Variants in SUCLG2 observed in about 807,000 individuals in gnomAD.
The protein encoded by SUCLG2 is succinate-CoA ligase GDP-forming subunit beta, also known as succinate--CoA ligase [GDP-forming] subunit beta, mitochondrial.
A neutral mutation model predicts 47.9 loss-of-function variants in SUCLG2; 42 were observed. The ratio of observed to expected loss-of-function variants is 0.88; its 90% CI spans 0.69 to 1.14. The LOEUF (loss-of-function observed/expected upper bound fraction) is 1.14. Ranked by LOEUF, SUCLG2 falls within the 50% of genes most tolerant of loss-of-function variation. The probability of loss-of-function intolerance (pLI) is 0.00; values close to 1 mark genes in which losing one functional copy is unlikely to be tolerated. For synonymous variants in SUCLG2, 195 were observed against 197.3 expected (o/e 0.99, Z 0.10); for missense variants, 571 against 525.9 (o/e 1.09, Z -0.84).
chr3:67,643,808 C>G (rs1701144519), intron 1 of SUCLG2, among the ~76,000 whole-genome samples: 1 of 152,214 alleles, frequency 6.6e-6, no homozygotes, highest in African/African-American at 2.4e-5. Context: ...TCCCAAGTAG[C>G]TGGAATTACA....
At chr3:67,419,603 C>T (rs973776642) in intron 9 of SUCLG2, among the ~76,000 whole-genome samples, 5 of 152,108 alleles carry the variant, frequency 3.3e-5, no homozygotes, top group African/African-American at 1.2e-4. Context: ...TAGGAGCATT[C>T]TGTCTGAAAT....
At chr3:67,527,771 T>C (rs1379511046) in intron 4 of SUCLG2, among the ~76,000 whole-genome samples, 1 of 152,170 alleles carries the variant, frequency 6.6e-6, no homozygotes, top group Non-Finnish European at 1.5e-5. Context: ...CGCCTGGGGT[T>C]GAGGGCCACT....
chr3:67,470,888 C>G (rs1419850343), intron 9 of SUCLG2, among the ~76,000 whole-genome samples: 1 of 152,190 alleles, frequency 6.6e-6, no homozygotes, highest in Non-Finnish European at 1.5e-5. Flanking sequence ...CCTTGCCCTA[C>G]AAACCAAACA....
chr3:67,601,939 ACCC>A (rs1170451872), intron 2 of SUCLG2, among the ~76,000 whole-genome samples: 1 of 152,044 alleles, frequency 6.6e-6, no homozygotes, highest in African/African-American at 2.4e-5. Flanking sequence ...CTAAGATCGC[ACCC>A]CCCAACTCCA....
At chr3:67,542,387 T>C (rs1406458350) in intron 2 of SUCLG2, among the ~76,000 whole-genome samples, 1 of 152,148 alleles carries the variant, frequency 6.6e-6, no homozygotes, top group Admixed American at 6.5e-5. Context: ...TACCAAATTG[T>C]AAAGACCATC....
At chr3:67,486,398 C>T (rs531756824) in intron 9 of SUCLG2, among the ~76,000 whole-genome samples, 4 of 152,284 alleles carry the variant, frequency 2.6e-5, no homozygotes, top group Admixed American at 2.0e-4. Context: ...TTCTCATTAT[C>T]CACAGTAGTT....
intron 2 of SUCLG2, among the ~76,000 whole-genome samples, chr3:67,560,680 C>G (rs1707285938): frequency 6.6e-6 from 1 of 152,110 alleles, no homozygotes; most frequent in Non-Finnish European, 1.5e-5. Context: ...CCCCCAACCC[C>G]AGGAGTAAAC....
intron 9 of SUCLG2, among the ~76,000 whole-genome samples, chr3:67,452,159 T>C (rs958187547): frequency 6.6e-6 from 1 of 152,230 alleles, no homozygotes; most frequent in Admixed American, 6.5e-5. Context: ...AAACTCTCTA[T>C]GTGCTTCTAA....
At chr3:67,440,085 C>T (rs977817811) in intron 9 of SUCLG2, among the ~76,000 whole-genome samples, 4 of 144,406 alleles carry the variant, frequency 2.8e-5, no homozygotes, top group Non-Finnish European at 6.4e-5. Flanking sequence ...CACACATCAA[C>T]AGCCATCTGA....
At chr3:67,416,967 C>T (rs887005077) in intron 9 of SUCLG2, among the ~76,000 whole-genome samples, 1 of 151,886 alleles carries the variant, frequency 6.6e-6, no homozygotes, top group East Asian at 1.9e-4. Flanking sequence ...GTGGAAAAAC[C>T]AACCTTATTC....
At chr3:67,421,582 G>C (rs1451731437) in intron 9 of SUCLG2, among the ~76,000 whole-genome samples, 1 of 152,228 alleles carries the variant, frequency 6.6e-6, no homozygotes, top group Non-Finnish European at 1.5e-5. Context: ...GCAAGTAATA[G>C]AAGTCAATCA....
intron 2 of SUCLG2, among the ~76,000 whole-genome samples, chr3:67,562,754 G>T (rs548539879): frequency 6.6e-6 from 1 of 152,120 alleles, no homozygotes; most frequent in South Asian, 2.1e-4. Context: ...GAATTTAAAT[G>T]ACTTGATTTT....
At chr3:67,501,765 T>C (rs1705500039) in intron 7 of SUCLG2, among the ~76,000 whole-genome samples, 1 of 152,100 alleles carries the variant, frequency 6.6e-6, no homozygotes. Context: ...AGCTTACAGG[T>C]TGCCAAACAC....
chr3:67,418,482 C>A (rs1452400145), intron 9 of SUCLG2, among the ~76,000 whole-genome samples: 1 of 152,150 alleles, frequency 6.6e-6, no homozygotes, highest in African/African-American at 2.4e-5. Context: ...GAGCTTTAAC[C>A]ATTACACTAA....
At position 67,654,574 on chromosome 3, in the gene SUCLG2, C is replaced by G. The variant is rs753365984; in HGVS notation, c.13G>C (p.Val5Leu). MASP[V>L]AAQAGKLLRA... ...AGAAGCTTCCCGGCCTGCGCTGCTA[C>G]GGGGGACGCCATCTTAAACAGGAAA... Residue 5 changes from valine to leucine, a missense_variant, in exon 1 of 11, where the codon GTA (valine) becomes CTA (leucine). Physicochemically the swap from Val to Leu is conservative, Grantham distance 32. Coordinates refer to ENST00000307227, the MANE Select transcript of SUCLG2 (RefSeq NM_003848.4). 10 of 1,274,022 alleles carry G rather than the reference C, an allele frequency of 7.8e-6. No individual in the cohort carries two copies. Among genetic ancestry groups the G allele is most frequent in the Non-Finnish European group, 9.9e-6 (10 of 1,007,574 alleles). The allele number at this position is 1,274,022 out of a possible 1,614,324, so 78.9% of individuals were successfully genotyped here.
At chr3:67,408,415 C>G (rs1192733212) in intron 9 of SUCLG2, among the ~76,000 whole-genome samples, 1 of 152,100 alleles carries the variant, frequency 6.6e-6, no homozygotes, top group Non-Finnish European at 1.5e-5. Context: ...TATACAACAC[C>G]CTTAATACAA....
intron 2 of SUCLG2, among the ~76,000 whole-genome samples, chr3:67,560,614 T>C (rs1178274078): frequency 6.6e-6 from 1 of 152,132 alleles, no homozygotes; most frequent in African/African-American, 2.4e-5. Flanking sequence ...AGGTACAATG[T>C]ACAAGTCTTG....
At chr3:67,380,163 G>A (rs1304021522) in intron 10 of SUCLG2, among the ~76,000 whole-genome samples, 1 of 128,896 alleles carries the variant, frequency 7.8e-6, no homozygotes, top group Non-Finnish European at 1.7e-5. Flanking sequence ...CAATCAGGAG[G>A]GATTTTTTTT....
intron 2 of SUCLG2, among the ~76,000 whole-genome samples, chr3:67,535,123 A>T (rs765656472): frequency 6.6e-5 from 10 of 152,126 alleles, no homozygotes; most frequent in Non-Finnish European, 1.3e-4. Flanking sequence ...CTACTGTATT[A>T]TGTGTATGTA....
Sources: gnomAD v4.1 joint callset for allele counts (sites outside exome capture counted in the v4.1 genomes callset) on GRCh38, gnomAD v4.1.1 for gene constraint, MANE v1.5 for transcripts, NCBI Gene and HGNC (gene_info 2026-07-23, HGNC 2026-07-21) for gene names.